The following DCT variants were observed in gnomAD, a reference collection of about 807,000 sequenced individuals.
DCT encodes dopachrome tautomerase, also known as L-dopachrome tautomerase.
Under a neutral mutation model 53.0 loss-of-function variants are expected in DCT, and 47 were observed. The observed-to-expected ratio is 0.89, with a 90% CI of 0.70 to 1.13. The LOEUF (loss-of-function observed/expected upper bound fraction) is 1.13. DCT is among the 50% of genes most tolerant of loss of function. The probability of loss-of-function intolerance (pLI) is 0.00; values close to 1 mark genes in which losing one functional copy is unlikely to be tolerated. For missense variants in DCT, 669 were observed against 637.4 expected (o/e 1.05, Z -0.53); for synonymous variants, 244 against 237.0 (o/e 1.03, Z -0.27).
chr13:94,543,372 A>G, the DCT span, among the ~76,000 whole-genome samples: 1 of 152,190 alleles, frequency 6.6e-6, no homozygotes, highest in African/African-American at 2.4e-5. Flanking sequence ...AAGATTTTTC[A>G]AAAGTGCCAA....
intron 6 of DCT, among the ~76,000 whole-genome samples, chr13:94,459,587 G>T (rs958891247): frequency 2.0e-5 from 3 of 152,138 alleles, no homozygotes; most frequent in Non-Finnish European, 4.4e-5. Flanking sequence ...GGACACCAAG[G>T]CCTGGTTGAT....
At chr13:94,442,351 GACTGGAGTGCAGTGGCACAAACAGGGCTC>G (rs1346122013) in intron 7 of DCT, among the ~76,000 whole-genome samples, 1 of 152,098 alleles carries the variant, frequency 6.6e-6, no homozygotes, top group African/African-American at 2.4e-5. Flanking sequence ...CTGTTGCCCA[GACTGGAGTGCAGTGGCACAAACAGGGCTC>G]ACTGTAGCCT....
At chr13:94,440,131 A>G in intron 7 of DCT, 55 bp from the exon 8 acceptor site, 1 of 1,488,680 alleles carries the variant, frequency 6.7e-7, no homozygotes, top group African/African-American at 1.4e-5. Context: ...GAATACTTTC[A>G]GAAGAGAAAA....
At position 94,479,247 on chromosome 13, in the gene DCT, G is replaced by A; in HGVS notation, c.9C>T (p.Pro3=). 6.3e-7 allele frequency: 1 copy of A among 1,583,144 alleles called. No homozygotes were observed. Among genetic ancestry groups the A allele is most frequent in the Non-Finnish European group, 8.6e-7 (1 of 1,158,268 alleles). Residue 3 remains proline, a synonymous_variant, in exon 1 of 8, where the codon CCC becomes CCT. Transcript: ENST00000377028. ...AACTGAGCAGAAACCCCCACCAAAG[G>A]GGGCTCATGGCTTTATAATTGGGAG... The part of the protein sequence containing the change: MS[P]LWWGFLLSCL...
In DCT at chr13:94,437,941, A is replaced by G. The variant is rs1272088837; in HGVS notation, c.*1957T>C. The G allele has an allele frequency of 6.6e-6, 1 of 152,194 alleles. No homozygotes were observed. The highest frequency in any genetic ancestry group is 1.9e-4 in the East Asian group (1 of 5,196). 9.4% of individuals were successfully genotyped at this position (152,194 alleles called of 1,614,324 possible). ...TCCTACCTAAGATAGATCTGCTTTA[A>G]CCAAGTCTTATGAGACTATGATATA... On this transcript the variant is annotated 3_prime_UTR_variant, in exon 8 of 8. Transcript: ENST00000377028.
At chr13:94,445,744 T>A in intron 6 of DCT, 1 of 1,586,630 alleles carries the variant, frequency 6.3e-7, no homozygotes, top group South Asian at 1.2e-5. Flanking sequence ...AGGGAGTTCC[T>A]TGGTCGCTTT....
chr13:94,495,149 T>C, the DCT span, among the ~76,000 whole-genome samples: 1 of 152,164 alleles, frequency 6.6e-6, no homozygotes, highest in Non-Finnish European at 1.5e-5. Context: ...CAAGCTTGAG[T>C]GCAGTGGTGC....
the DCT span, among the ~76,000 whole-genome samples, chr13:94,536,484 A>C: frequency 6.6e-6 from 1 of 152,074 alleles, no homozygotes; most frequent in African/African-American, 2.4e-5. Context: ...CTTGGGGTGG[A>C]TCCCTCATGA....
chr13:94,511,434 A>C, the DCT span, among the ~76,000 whole-genome samples: 1 of 147,036 alleles, frequency 6.8e-6, no homozygotes, highest in Admixed American at 6.9e-5. Context: ...ATCTTGGCTT[A>C]CTGCAACCTC....
the DCT span, among the ~76,000 whole-genome samples, chr13:94,504,390 G>A: frequency 5.9e-5 from 9 of 152,078 alleles, no homozygotes; most frequent in East Asian, 1.9e-4. Flanking sequence ...TCTTTGAGAT[G>A]GAGTTTCGCT....
chr13:94,526,305 C>G, the DCT span, among the ~76,000 whole-genome samples: 1 of 152,122 alleles, frequency 6.6e-6, no homozygotes, highest in African/African-American at 2.4e-5. Context: ...CAATTGAGAA[C>G]CAGATTAAAG....
chr13:94,510,088 G>A, the DCT span, among the ~76,000 whole-genome samples: 1,464 of 152,240 alleles, frequency 9.6e-3, 8 homozygotes, highest in Non-Finnish European at 0.017. Context: ...CCTCCTGGCT[G>A]GTTTCCTCCT....
the DCT span, among the ~76,000 whole-genome samples, chr13:94,539,173 T>C: frequency 2.0e-5 from 3 of 152,148 alleles, no homozygotes; most frequent in Non-Finnish European, 2.9e-5. Context: ...AATTTTGCTA[T>C]GAGGAAGAAA....
chr13:94,450,871 T>C (rs1157472629), intron 6 of DCT, among the ~76,000 whole-genome samples: 1 of 152,220 alleles, frequency 6.6e-6, no homozygotes, highest in Non-Finnish European at 1.5e-5. Flanking sequence ...AACTCAATGC[T>C]AGAACCATCT....
the DCT span, among the ~76,000 whole-genome samples, chr13:94,535,480 A>G: frequency 6.6e-6 from 1 of 152,244 alleles, no homozygotes; most frequent in Non-Finnish European, 1.5e-5. Flanking sequence ...GATAGTTTTC[A>G]TATAAATCTG....
In DCT at chr13:94,465,679, T is replaced by C; in HGVS notation, c.817A>G (p.Ile273Val). Residue 273 changes from isoleucine to valine, a missense_variant, in exon 4 of 8, where the codon ATT becomes GTT. Transcript: ENST00000377028. ...CTGGAGAATCTTGAGTTCCGACTAA[T>C]CAGAGTCGGATCGTCTGGTCTCGCT... is the stretch of plus-strand genomic sequence containing the variant. ...GAARPDDPTLISRNSRFSSWE... is the reference protein window; with the variant it reads ...GAARPDDPTLVSRNSRFSSWE... The C allele has an allele frequency of 6.2e-7, 1 of 1,613,600 alleles. No homozygotes were observed. The highest frequency in any genetic ancestry group is 1.1e-5 in the South Asian group (1 of 91,044).
At chr13:94,494,627 C>T in the DCT span, among the ~76,000 whole-genome samples, 2 of 152,278 alleles carry the variant, frequency 1.3e-5, no homozygotes, top group East Asian at 3.9e-4. Context: ...TTATCATTTA[C>T]TCTGAAAACT....
the DCT span, among the ~76,000 whole-genome samples, chr13:94,543,415 G>A: frequency 3.9e-5 from 6 of 152,256 alleles, no homozygotes; most frequent in South Asian, 6.2e-4. Context: ...GAACACAGAC[G>A]TGGCTATTGG....
At chr13:94,488,921 T>C in the DCT span, among the ~76,000 whole-genome samples, 2 of 151,808 alleles carry the variant, frequency 1.3e-5, no homozygotes, top group African/African-American at 4.8e-5. Flanking sequence ...AAACATAAGG[T>C]ATATAGCTAT....
Sources: allele counts gnomAD v4.1 joint callset (sites outside exome capture counted in the v4.1 genomes callset), GRCh38; gene constraint gnomAD v4.1.1; transcripts MANE v1.5; gene names NCBI Gene and HGNC (gene_info 2026-07-23, HGNC 2026-07-21).